FANCB: variants seen among roughly 807,000 people sequenced by gnomAD.
FANCB encodes the protein Fanconi anemia group B protein.
Under a neutral mutation model 38.9 loss-of-function variants are expected in FANCB, and 5 were observed. That is an observed-to-expected ratio of 0.13 (90% CI 0.07 to 0.27). The LOEUF (loss-of-function observed/expected upper bound fraction) is 0.27, where lower values mean the gene tolerates loss of function less well. FANCB is among the 10% of genes least tolerant of loss of function. The probability of loss-of-function intolerance (pLI) is 1.00; values close to 1 mark genes in which losing one functional copy is unlikely to be tolerated. For synonymous variants in FANCB, 236 were observed against 215.4 expected (o/e 1.10, Z -0.84); for missense variants, 573 against 602.7 (o/e 0.95, Z 0.52).
At chrX:14,775,179 T>TTTG in the FANCB span, among the ~76,000 whole-genome samples, 1 of 98,724 alleles carries the variant, frequency 1.0e-5, no homozygotes, top group African/African-American at 3.6e-5. Context: ...TTTTTTTTTT[T>TTTG]TTTTTTTTTA....
the FANCB span, among the ~76,000 whole-genome samples, chrX:14,795,153 A>C: frequency 8.9e-6 from 1 of 112,327 alleles, no homozygotes; most frequent in Non-Finnish European, 1.9e-5. Context: ...AGTCAGATAC[A>C]TCTCTCTTTT....
At chrX:14,739,438 TAC>T in the FANCB span, among the ~76,000 whole-genome samples, 7 of 111,839 alleles carry the variant, frequency 6.3e-5, no homozygotes, top group African/African-American at 2.0e-4. Context: ...TCAGACTATA[TAC>T]AGTTTCACTA....
chrX:14,775,160 G>GTT, the FANCB span, among the ~76,000 whole-genome samples: 25 of 35,010 alleles, frequency 7.1e-4, 2 homozygotes, highest in East Asian at 1.4e-3. Flanking sequence ...TTTCTCTAAT[G>GTT]TTTTTTTTTT....
chrX:14,719,155 G>T, the FANCB span, among the ~76,000 whole-genome samples: 2 of 111,497 alleles, frequency 1.8e-5, no homozygotes, highest in East Asian at 5.6e-4. Flanking sequence ...GCTGTTTTTT[G>T]TTATTGGTGT....
At chrX:14,834,585 T>C (rs1049011797), downstream of FANCB, 2 of 535,673 alleles carry the variant, frequency 3.7e-6, no homozygotes, top group East Asian at 3.4e-5. Flanking sequence ...AGAACCACCT[T>C]TTTCTATGCT....
At chrX:14,746,240 G>C in the FANCB span, among the ~76,000 whole-genome samples, 5 of 112,099 alleles carry the variant, frequency 4.5e-5, no homozygotes, top group African/African-American at 1.6e-4. Context: ...TGTCATTCTA[G>C]AATGAGAATG....
At chrX:14,770,501 C>T in the FANCB span, among the ~76,000 whole-genome samples, 1 of 111,863 alleles carries the variant, frequency 8.9e-6, no homozygotes, top group Non-Finnish European at 1.9e-5. Context: ...AAATTTTCCT[C>T]CACCCTTTAT....
At chrX:14,690,822 T>G in the FANCB span, 1 of 1,207,079 alleles carries the variant, frequency 8.3e-7, no homozygotes, top group African/African-American at 1.7e-5. Flanking sequence ...CACAAGGAGT[T>G]CCTGCGCCTC....
the FANCB span, among the ~76,000 whole-genome samples, chrX:14,694,988 T>C: frequency 8.9e-6 from 1 of 112,138 alleles, no homozygotes; most frequent in Admixed American, 9.5e-5. Flanking sequence ...TTTTATGCTC[T>C]TAAGTTCAGA....
At chrX:14,693,890 A>C in the FANCB span, among the ~76,000 whole-genome samples, 2 of 112,198 alleles carry the variant, frequency 1.8e-5, no homozygotes, top group Non-Finnish European at 3.8e-5. Flanking sequence ...TGAAAGATAA[A>C]TTGTACATAT....
chrX:14,855,538 T>C (rs938188302), intron 5 of FANCB, among the ~76,000 whole-genome samples: 1 of 112,227 alleles, frequency 8.9e-6, no homozygotes, highest in Non-Finnish European at 1.9e-5. Flanking sequence ...ATTTTTCTCA[T>C]ATATTCGGGG....
At chrX:14,690,487 G>A in the FANCB span, among the ~76,000 whole-genome samples, 1 of 111,693 alleles carries the variant, frequency 9.0e-6, no homozygotes, top group Non-Finnish European at 1.9e-5. Context: ...TAAAGCTACT[G>A]GTTCAGGGGC....
the FANCB span, among the ~76,000 whole-genome samples, chrX:14,701,670 G>A: frequency 2.5e-4 from 28 of 112,458 alleles, no homozygotes; most frequent in South Asian, 3.6e-4. Flanking sequence ...ATAAAATGTG[G>A]CAGTTAGCCC....
chrX:14,872,211 C>T (rs766615467), intron 1 of FANCB, among the ~76,000 whole-genome samples: 138 of 111,302 alleles, frequency 1.2e-3, no homozygotes, highest in Non-Finnish European at 1.7e-3. Context: ...CATTTTTTCC[C>T]ATAAAAAATG....
the FANCB span, among the ~76,000 whole-genome samples, chrX:14,758,450 G>C: frequency 2.7e-5 from 3 of 111,373 alleles, no homozygotes; most frequent in Non-Finnish European, 5.7e-5. Context: ...CTACAACCAA[G>C]GACCCTCACA....
At chrX:14,862,524 G>C (rs2147439056) in intron 3 of FANCB, among the ~76,000 whole-genome samples, 1 of 111,774 alleles carries the variant, frequency 8.9e-6, no homozygotes, top group South Asian at 3.7e-4. Context: ...TCCAAGCAGG[G>C]GACCCACTTC....
At chrX:14,771,409 T>C in the FANCB span, among the ~76,000 whole-genome samples, 3 of 111,489 alleles carry the variant, frequency 2.7e-5, no homozygotes, top group African/African-American at 9.8e-5. Context: ...GATTCTTTCC[T>C]CTGCTTGGTC....
At chrX:14,786,380 C>A in the FANCB span, among the ~76,000 whole-genome samples, 2 of 110,908 alleles carry the variant, frequency 1.8e-5, no homozygotes, top group East Asian at 2.8e-4. Flanking sequence ...CTTGTCTCAG[C>A]ACCTTAAATA....
At chrX:14,768,602 G>T in the FANCB span, among the ~76,000 whole-genome samples, 1 of 111,689 alleles carries the variant, frequency 9.0e-6, no homozygotes, top group Admixed American at 9.5e-5. Context: ...CATGTCATCT[G>T]CAAATAAAGA....
Sources: allele counts gnomAD v4.1 joint callset (sites outside exome capture counted in the v4.1 genomes callset), GRCh38; gene constraint gnomAD v4.1.1; transcripts MANE v1.5; gene names NCBI Gene and HGNC (gene_info 2026-07-23, HGNC 2026-07-21).